ARHGAP15: variants seen among roughly 807,000 people sequenced by gnomAD.
ARHGAP15 encodes rho GTPase-activating protein 15.
Under a neutral mutation model 63.7 loss-of-function variants are expected in ARHGAP15, and 51 were observed. The observed-to-expected ratio is 0.80, with a 90% CI of 0.64 to 1.01. The LOEUF is 1.01. Among genes scored for constraint, ARHGAP15 ranks in the 50% least tolerant of loss-of-function variants. ARHGAP15 has a pLI of 0.00. For missense variants in ARHGAP15, 560 were observed against 564.6 expected, an observed-to-expected ratio of 0.99 and a Z score of 0.08; for synonymous variants, 191 against 193.8, an observed-to-expected ratio of 0.99 and a Z score of 0.12.
chr2:143,374,952 A>G (rs921767351), intron 6 of ARHGAP15, among the ~76,000 whole-genome samples: 3 of 152,214 alleles, frequency 2.0e-5, no homozygotes, highest in Non-Finnish European at 4.4e-5. Flanking sequence ...AAGGGAAAAT[A>G]AATGAATATA....
intron 6 of ARHGAP15, chr2:143,351,071 A>AT (rs1374658259): frequency 6.6e-6 from 1 of 152,144 alleles, no homozygotes; most frequent in Non-Finnish European, 1.5e-5. Flanking sequence ...TGTAAAGACA[A>AT]TAGACATGCT....
intron 12 of ARHGAP15, among the ~76,000 whole-genome samples, chr2:143,639,051 C>T (rs968140860): frequency 2.0e-5 from 3 of 151,952 alleles, no homozygotes; most frequent in East Asian, 1.9e-4. Flanking sequence ...AGCTAGAATT[C>T]GAACCCATAA....
chr2:143,495,294 G>A (rs923922756), intron 9 of ARHGAP15, among the ~76,000 whole-genome samples: 1 of 152,058 alleles, frequency 6.6e-6, no homozygotes, highest in Non-Finnish European at 1.5e-5. Flanking sequence ...ATTCTGTTAA[G>A]TATTTGCTTA....
chr2:143,157,373 T>G (rs1436048829), intron 2 of ARHGAP15, among the ~76,000 whole-genome samples: 2 of 151,908 alleles, frequency 1.3e-5, no homozygotes, highest in Non-Finnish European at 2.9e-5. Flanking sequence ...TTTTCACTTT[T>G]GGGCAGGATT....
intron 2 of ARHGAP15, among the ~76,000 whole-genome samples, chr2:143,192,305 C>T (rs2105092795): frequency 6.6e-6 from 1 of 152,318 alleles, no homozygotes; most frequent in South Asian, 2.1e-4. Flanking sequence ...CAAGTAGTCA[C>T]ACATAACTAA....
rs185782262 is a variant in ARHGAP15, at chr2:143,684,875, G to A, written c.1139-18544G>A. On this transcript the variant is annotated intron_variant, in intron 12 of 13. Transcript: ENST00000295095. ...TTGGCTGATTGATATAAATAACATC[G>A]TCCCCGCCATCTGTCCGAAGAGAGA... 3.6e-4 allele frequency among the ~76,000 whole-genome samples: 55 copies of A among 152,210 alleles called. No individual in the cohort carries two copies. The East Asian group carries it at 9.8e-3, about 27-fold the overall frequency.
chr2:143,208,420 A>G (rs1692434809), intron 3 of ARHGAP15, among the ~76,000 whole-genome samples: 1 of 152,196 alleles, frequency 6.6e-6, no homozygotes, highest in African/African-American at 2.4e-5. Context: ...CTTTTAAGAA[A>G]ATAGATTGTA....
chr2:143,227,461 T>C (rs1693254914), intron 4 of ARHGAP15, among the ~76,000 whole-genome samples: 1 of 152,126 alleles, frequency 6.6e-6, no homozygotes, highest in African/African-American at 2.4e-5. Flanking sequence ...TAATGGAGGA[T>C]AGAGGTGAAA....
chr2:143,132,920 A>G (rs1688969909), intron 1 of ARHGAP15, among the ~76,000 whole-genome samples: 1 of 151,828 alleles, frequency 6.6e-6, no homozygotes, highest in Admixed American at 6.6e-5. Context: ...TATGTTTGAC[A>G]ACTCCTCACA....
intron 6 of ARHGAP15, among the ~76,000 whole-genome samples, chr2:143,423,497 G>T: frequency 6.6e-6 from 1 of 152,162 alleles, no homozygotes. Context: ...TGGTTTTGTG[G>T]TCAGGGAGCT....
At chr2:143,468,663 A>AGAGAGTGTGT (rs764115175) in intron 8 of ARHGAP15, among the ~76,000 whole-genome samples, 6 of 136,332 alleles carry the variant, frequency 4.4e-5, no homozygotes, top group African/African-American at 1.4e-4. Flanking sequence ...AGAGAGAGAG[A>AGAGAGTGTGT]GTGTGTGTGT....
At chr2:143,419,818 A>C (rs1274285016) in intron 6 of ARHGAP15, among the ~76,000 whole-genome samples, 1 of 152,108 alleles carries the variant, frequency 6.6e-6, no homozygotes, top group African/African-American at 2.4e-5. Flanking sequence ...GTATGCATTT[A>C]TATTCAGAAA....
At chr2:143,379,567 G>C (rs183326421) in intron 6 of ARHGAP15, among the ~76,000 whole-genome samples, 14 of 147,002 alleles carry the variant, frequency 9.5e-5, no homozygotes, top group African/African-American at 3.2e-4. Context: ...TCATGGTATA[G>C]TTTACACAAT....
intron 6 of ARHGAP15, among the ~76,000 whole-genome samples, chr2:143,420,613 T>C (rs936372189): frequency 6.6e-6 from 1 of 152,306 alleles, no homozygotes; most frequent in Middle Eastern, 3.4e-3. Flanking sequence ...TGCGGTAATT[T>C]ACCAAGAAGT....
chr2:143,263,192 G>C (rs970915560), intron 6 of ARHGAP15, among the ~76,000 whole-genome samples: 1 of 152,170 alleles, frequency 6.6e-6, no homozygotes. Context: ...AAGAACGGCA[G>C]ATCTTAAGAT....
At chr2:143,567,701 G>A (rs926225251) in intron 11 of ARHGAP15, among the ~76,000 whole-genome samples, 10 of 152,282 alleles carry the variant, frequency 6.6e-5, no homozygotes, top group African/African-American at 2.4e-4. Context: ...CACATTTAGG[G>A]TCTTATGTGA....
intron 2 of ARHGAP15, among the ~76,000 whole-genome samples, chr2:143,157,322 G>C (rs1301569197): frequency 6.6e-6 from 1 of 151,868 alleles, no homozygotes; most frequent in African/African-American, 2.4e-5. Flanking sequence ...AAACTAATGA[G>C]CATTTCTGTA....
intron 12 of ARHGAP15, among the ~76,000 whole-genome samples, chr2:143,680,863 C>T (rs1285814293): frequency 2.0e-5 from 3 of 152,194 alleles, no homozygotes; most frequent in African/African-American, 7.2e-5. Flanking sequence ...TCTCAGTTCA[C>T]TCAAGAACTG....
At chr2:143,278,803 G>C (rs905310176) in intron 6 of ARHGAP15, among the ~76,000 whole-genome samples, 1 of 151,402 alleles carries the variant, frequency 6.6e-6, no homozygotes, top group African/African-American at 2.4e-5. Flanking sequence ...GAAATTCATA[G>C]TCACATTTTG....
Sources: gnomAD v4.1 joint callset for allele counts (sites outside exome capture counted in the v4.1 genomes callset) on GRCh38, gnomAD v4.1.1 for gene constraint, MANE v1.5 for transcripts, NCBI Gene and HGNC (gene_info 2026-07-23, HGNC 2026-07-21) for gene names.